The following ZFP36L2 variants were observed in gnomAD, a reference collection of about 807,000 sequenced individuals.
ZFP36L2 encodes mRNA decay activator protein ZFP36L2.
ZFP36L2 carries 16 observed loss-of-function variants against 27.9 expected under a neutral mutation model. The ratio of observed to expected loss-of-function variants is 0.57; its 90% CI spans 0.39 to 0.87. ZFP36L2 has a LOEUF of 0.87. Ranked by LOEUF, ZFP36L2 falls within the 40% of genes least tolerant of loss-of-function variation. ZFP36L2 has a pLI of 0.00. For synonymous variants in ZFP36L2, 600 were observed against 363.8 expected (o/e 1.65, Z -7.39); for missense variants, 989 against 726.9 (o/e 1.36, Z -4.15).
In ZFP36L2 at chr2:43,224,659, T is replaced by C. The variant is rs1667043326; in HGVS notation, c.1145A>G (p.Asn382Ser). The change falls in exon 2 of 2, where the codon AAC (asparagine) becomes AGC (serine). Residue 382 changes from asparagine (N) to serine (S), a missense_variant. Transcript: ENST00000282388. ...LITPLAIQTH[N>S]FAAVAAAAYY... ...GGCGGCGGCGGCCACGGCGGCAAAG[T>C]TGTGGGTCTGGATGGCGAGCGGCGT... 1 of 1,528,162 alleles carries C rather than the reference T, an allele frequency of 6.5e-7. No homozygotes were observed. The highest frequency in any genetic ancestry group is 2.7e-5 in the East Asian group (1 of 36,380). 94.7% of individuals were successfully genotyped at this position (1,528,162 alleles called of 1,614,324 possible). A position where few individuals can be genotyped will look rare whatever the true frequency, so the allele number is the denominator to read the frequency against.
rs1205625655 is a variant in ZFP36L2, at chr2:43,225,574, T to C, written c.230A>G (p.Lys77Arg). 1 of 1,565,610 alleles carries C rather than the reference T, an allele frequency of 6.4e-7. No homozygotes were observed. Among genetic ancestry groups the C allele is most frequent in the Non-Finnish European group, 8.6e-7 (1 of 1,161,096 alleles). ...PAPSPGSCSPKFPGAANGSSC... is the reference protein window; with the variant it reads ...PAPSPGSCSPRFPGAANGSSC... ...GCTGCCGTTAGCGGCGCCCGGGAAC[T>C]TGGGCGAGCAGCTGCCGGGGCTGGG... The change falls in exon 2 of 2, where the codon AAG becomes AGG. Residue 77 changes from lysine to arginine, a missense_variant. Coordinates refer to ENST00000282388, the MANE Select transcript of ZFP36L2 (RefSeq NM_006887.5).
Position 43,224,544 on chromosome 2 carries a change from C to A in ZFP36L2, c.1260G>T (p.Gly420=). The A allele has an allele frequency of 6.9e-7, 1 of 1,439,030 alleles. No homozygotes were observed. Among genetic ancestry groups the A allele is most frequent in the Middle Eastern group, 2.4e-4 (1 of 4,164 alleles). 89.1% of individuals were successfully genotyped at this position (1,439,030 alleles called of 1,614,324 possible). Residue 420 remains glycine, a synonymous_variant, in exon 2 of 2, where the codon GGG becomes GGT. Coordinates refer to ENST00000282388, the MANE Select transcript of ZFP36L2 (RefSeq NM_006887.5). ...PAPPSATLPA[G]AAAPPSPPFS... is the part of the protein sequence containing the mutation. The stretch of plus-strand genomic sequence containing the variant: ...AGGGCGGCGAGGGAGGTGCGGCGGC[C>A]CCGGCGGGGAGGGTCGCGCTGGGCG...
intron 1 of ZFP36L2, among the ~76,000 whole-genome samples, chr2:43,225,962 T>G (rs1209371861): frequency 6.6e-6 from 1 of 151,668 alleles, no homozygotes; most frequent in Non-Finnish European, 1.5e-5. Context: ...ACGCCCACCG[T>G]GGGCCGCGCT....
Position 43,224,221 on chromosome 2 carries a change from C to T in ZFP36L2, c.*98G>A. 2 of 1,300,720 alleles carry T rather than the reference C, an allele frequency of 1.5e-6. No homozygotes were observed. Among genetic ancestry groups the T allele is most frequent in the Non-Finnish European group, 2.0e-6 (2 of 992,464 alleles). The allele number at this position is 1,300,720 out of a possible 1,614,324, so 80.6% of individuals were successfully genotyped here. A position where few individuals can be genotyped will look rare whatever the true frequency, so the allele number is the denominator to read the frequency against. On this transcript the variant is annotated 3_prime_UTR_variant, in exon 2 of 2. Transcript: ENST00000282388. ...AGTCTGCCTAGGGCCCATGTCACCC[C>T]CCCCACTCCCGTGCCCCCAGCAAGG...
rs772235046 is a variant in ZFP36L2, at chr2:43,224,862, C to A, written c.942G>T (p.Thr314=). The change falls in exon 2 of 2, where the codon ACG becomes ACT. Residue 314 remains threonine (T), a synonymous_variant. Coordinates refer to ENST00000282388, the MANE Select transcript of ZFP36L2 (RefSeq NM_006887.5). The stretch of plus-strand genomic sequence containing the variant: ...CGCAGCATGTCGGGGCGCCCGAGGG[C>A]GTGGAGGCCGCGGAGGCCGAGGAAC... ...SSCSSASAAS[T]PSGAPTCCAS... The A allele has an allele frequency of 2.0e-6, 3 of 1,488,622 alleles. No homozygotes were observed. The highest frequency in any genetic ancestry group is 1.3e-5 in the South Asian group (1 of 78,292). 92.2% of individuals were successfully genotyped at this position (1,488,622 alleles called of 1,614,324 possible).
At position 43,224,671 on chromosome 2, in the gene ZFP36L2, A is replaced by G; in HGVS notation, c.1133T>C (p.Ile378Thr). 1.3e-6 allele frequency: 2 copies of G among 1,537,876 alleles called. No individual in the cohort carries two copies. Among genetic ancestry groups the G allele is most frequent in the Non-Finnish European group, 1.7e-6 (2 of 1,147,492 alleles). Residue 378 changes from isoleucine to threonine, a missense_variant, in exon 2 of 2, where the codon ATC (isoleucine) becomes ACC (threonine). Physicochemically the swap from Ile to Thr is moderately conservative, Grantham distance 89. Transcript: ENST00000282388. The stretch of plus-strand genomic sequence containing the variant: ...CACGGCGGCAAAGTTGTGGGTCTGG[A>G]TGGCGAGCGGCGTGATGAGGCTGCT... Reference protein sequence around the residue: ...ELSSLITPLAIQTHNFAAVAA... With the variant: ...ELSSLITPLATQTHNFAAVAA...
Position 43,224,751 on chromosome 2 carries a change from C to T in ZFP36L2, c.1053G>A (p.Ala351=), listed in dbSNP as rs745733827. 1.6e-5 allele frequency: 24 copies of T among 1,507,242 alleles called. No homozygotes were observed. The highest frequency in any genetic ancestry group is 2.1e-5 in the Non-Finnish European group (24 of 1,135,248). The allele number at this position is 1,507,242 out of a possible 1,614,324, so 93.4% of individuals were successfully genotyped here. Residue 351 remains alanine, a synonymous_variant, in exon 2 of 2, where the codon GCG becomes GCA. Transcript: ENST00000282388. The part of the protein sequence containing the change: ...EDLLAPGAPC[A]ACSSASCANN... ...TGGCGCACGAGGCCGACGAGCAGGC[C>T]GCGCACGGGGCCCCCGGCGCCAGCA...
intron 1 of ZFP36L2, among the ~76,000 whole-genome samples, chr2:43,226,060 C>A (rs975736014): frequency 7.2e-5 from 11 of 152,114 alleles, no homozygotes; most frequent in Admixed American, 7.2e-4. Context: ...TGGCCGCGGT[C>A]GGCAGTGGAG....
rs1191003326 is a variant in ZFP36L2 at position 43,225,210 on chromosome 2, G to A, written c.594C>T (p.Arg198=). ...RHPKYKTELC[R]TFHTIGFCPY... ...GGCAGAAGCCGATGGTATGAAAGGT[G>A]CGGCACAGCTCGGTCTTGTACTTCG... The change falls in exon 2 of 2, where the codon CGC becomes CGT. Residue 198 remains arginine, a synonymous_variant. Coordinates refer to ENST00000282388, the MANE Select transcript of ZFP36L2 (RefSeq NM_006887.5). 1.2e-6 allele frequency: 2 copies of A among 1,604,600 alleles called. No individual in the cohort carries two copies. The highest frequency in any genetic ancestry group is 1.3e-5 in the African/African-American group (1 of 74,968).
Position 43,224,661 on chromosome 2 carries a change from G to A in ZFP36L2, c.1143C>T (p.His381=), listed in dbSNP as rs377678705. The A allele has an allele frequency of 5.9e-6, 9 of 1,531,618 alleles. No homozygotes were observed. Among genetic ancestry groups the A allele is most frequent in the Non-Finnish European group, 6.1e-6 (7 of 1,144,210 alleles). The allele number at this position is 1,531,618 out of a possible 1,614,324, so 94.9% of individuals were successfully genotyped here. The part of the protein sequence containing the change: ...SLITPLAIQT[H]NFAAVAAAAY... ...CGGCGGCGGCCACGGCGGCAAAGTTGTGGGTCTGGATGGCGAGCGGCGTGA... is the reference window on the plus strand; with the variant it reads ...CGGCGGCGGCCACGGCGGCAAAGTTATGGGTCTGGATGGCGAGCGGCGTGA... Residue 381 remains histidine, a synonymous_variant, in exon 2 of 2, where the codon CAC becomes CAT. Coordinates refer to ENST00000282388, the MANE Select transcript of ZFP36L2 (RefSeq NM_006887.5).
Position 43,226,316 on chromosome 2 carries a change from G to A in ZFP36L2, c.-1C>T, listed in dbSNP as rs201662483. ...AGGCGGACAGAAGTGTGGTCGACAT[G>A]TTTCTGGATCCCGCAGTGGCCGGAG... On this transcript the variant is annotated 5_prime_UTR_variant, in exon 1 of 2. Transcript: ENST00000282388. 1.9e-6 allele frequency: 3 copies of A among 1,583,588 alleles called. No individual in the cohort carries two copies. The highest frequency in any genetic ancestry group is 4.6e-5 in the East Asian group (2 of 43,316).
At position 43,225,404 on chromosome 2, in the gene ZFP36L2, G is replaced by C. The variant is rs1356945164; in HGVS notation, c.400C>G (p.Leu134Val). ...TTCTGCTGCTGCTGCAGGTGCAGGA[G>C]GTGCTGGCTGCGATCGCCGTTCTCG... ...FSENGDRSQH[L>V]LHLQQQQKGG... The change falls in exon 2 of 2, where the codon CTC becomes GTC. Residue 134 changes from leucine to valine, a missense_variant. Transcript: ENST00000282388. 1.2e-6 allele frequency: 2 copies of C among 1,613,374 alleles called. No homozygotes were observed. The highest frequency in any genetic ancestry group is 1.7e-6 in the Non-Finnish European group (2 of 1,179,918).
chr2:43,224,525 G>C lies in ZFP36L2; in HGVS notation c.1279C>G (p.Pro427Ala), dbSNP rs1181755861. ...CGCGGCAGCTGGAAGCTGAAGGGCGGCGAGGGAGGTGCGGCGGCCCCGGCG... is the reference window on the plus strand; with the variant it reads ...CGCGGCAGCTGGAAGCTGAAGGGCGCCGAGGGAGGTGCGGCGGCCCCGGCG... The part of the protein sequence containing the change: ...LPAGAAAPPS[P>A]PFSFQLPRRL... Residue 427 changes from proline (P) to alanine (A), a missense_variant, in exon 2 of 2, where the codon CCG (proline) becomes GCG (alanine). Coordinates refer to ENST00000282388, the MANE Select transcript of ZFP36L2 (RefSeq NM_006887.5). 3.4e-6 allele frequency: 5 copies of C among 1,471,548 alleles called. No homozygotes were observed. Among genetic ancestry groups the C allele is most frequent in the East Asian group, 3.0e-5 (1 of 33,348 alleles). The allele number at this position is 1,471,548 out of a possible 1,614,324, so 91.2% of individuals were successfully genotyped here.
At chr2:43,226,132 A>C in intron 1 of ZFP36L2, 133 bp downstream of exon 1, 1 of 1,293,484 alleles carries the variant, frequency 7.7e-7, no homozygotes, top group Non-Finnish European at 1.1e-6. Flanking sequence ...GCGCTCGGAC[A>C]CTCTTTTGCA....
chr2:43,225,624 G>T lies in ZFP36L2; in HGVS notation c.180C>A (p.Asn60Lys). 1 of 1,567,132 alleles carries T rather than the reference G, an allele frequency of 6.4e-7. No individual in the cohort carries two copies. The highest frequency in any genetic ancestry group is 8.6e-7 in the Non-Finnish European group (1 of 1,164,228). Residue 60 changes from asparagine (N) to lysine (K), a missense_variant, in exon 2 of 2, where the codon AAC (asparagine) becomes AAA (lysine). Transcript: ENST00000282388. ...GCGCGGGGTGGGCGAGTGCATGCAGGTTGCTGGCCGAGTGCCGTCGGAGGA... is the reference window on the plus strand; with the variant it reads ...GCGCGGGGTGGGCGAGTGCATGCAGTTTGCTGGCCGAGTGCCGTCGGAGGA... ...PGFLRRHSAS[N>K]LHALAHPAPS...
In ZFP36L2 at chr2:43,225,740, G is replaced by A. The variant is rs374246964; in HGVS notation, c.64C>T (p.Leu22=). The A allele has an allele frequency of 6.9e-6, 11 of 1,592,470 alleles. No individual in the cohort carries two copies. The highest frequency in any genetic ancestry group is 1.4e-5 in the African/African-American group (1 of 73,786). ...VDFLCKTEKS[L]ANLNLNNMLD... is the part of the protein sequence containing the mutation. ...ATGTTGTTCAGGTTGAGGTTGGCCA[G>A]GGATTTCTCTGTCTGCCAAAGGGAG... The change falls in exon 2 of 2, where the codon CTG becomes TTG. Residue 22 remains leucine (L), a synonymous_variant. Coordinates refer to ENST00000282388, the MANE Select transcript of ZFP36L2 (RefSeq NM_006887.5).
Position 43,225,527 on chromosome 2 carries a change from C to T in ZFP36L2, c.277G>A (p.Gly93Ser), listed in dbSNP as rs1667073348. The change falls in exon 2 of 2, where the codon GGC becomes AGC. Residue 93 changes from glycine (G) to serine (S), a missense_variant. By Grantham distance (56) the Gly-to-Ser change is moderately conservative (BLOSUM62 0). Coordinates refer to ENST00000282388, the MANE Select transcript of ZFP36L2 (RefSeq NM_006887.5). ...NGSSCGSAAAGGPTSYGTLKE... is the reference protein window; with the variant it reads ...NGSSCGSAAASGPTSYGTLKE... Reference sequence around the variant, plus strand: ...AGGGTGCCGTAGGAGGTCGGACCGCCGGCCGCCGCGCTGCCGCAGCTGCTG... The same window carrying T: ...AGGGTGCCGTAGGAGGTCGGACCGCTGGCCGCCGCGCTGCCGCAGCTGCTG... The T allele has an allele frequency of 6.3e-7, 1 of 1,585,708 alleles. No individual in the cohort carries two copies. The highest frequency in any genetic ancestry group is 1.7e-4 in the Middle Eastern group (1 of 5,742).
chr2:43,224,233 T>G lies in ZFP36L2; in HGVS notation c.*86A>C. ...GCCCATGTCACCCCCCCCACTCCCG[T>G]GCCCCCAGCAAGGGCGAGATGGCGA... On this transcript the variant is annotated 3_prime_UTR_variant, in exon 2 of 2. Transcript: ENST00000282388. 7.3e-7 allele frequency: 1 copy of G among 1,371,248 alleles called. No individual in the cohort carries two copies. Among genetic ancestry groups the G allele is most frequent in the Non-Finnish European group, 9.6e-7 (1 of 1,045,622 alleles). The allele number at this position is 1,371,248 out of a possible 1,614,324, so 84.9% of individuals were successfully genotyped here. A position where few individuals can be genotyped will look rare whatever the true frequency, so the allele number is the denominator to read the frequency against.
In ZFP36L2 at chr2:43,224,931, GGGC is replaced by G; in HGVS notation, c.870_872del (p.Pro291del). The G allele has an allele frequency of 3.2e-6, 5 of 1,550,404 alleles. No homozygotes were observed. Among genetic ancestry groups the G allele is most frequent in the Admixed American group, 4.1e-5 (2 of 48,744 alleles). On this transcript the variant is annotated inframe_deletion, in exon 2 of 2. Transcript: ENST00000282388. ...AGCAGGACGAGGCCGAAGAGCAGGA[GGGC>G]GGCGGCGGCGTGCGCGACGTGGGGC... is the stretch of plus-strand genomic sequence containing the variant.
Sources: allele counts gnomAD v4.1 joint callset (sites outside exome capture counted in the v4.1 genomes callset), GRCh38; gene constraint gnomAD v4.1.1; transcripts MANE v1.5; gene names NCBI Gene and HGNC (gene_info 2026-07-23, HGNC 2026-07-21).